CDH13: variants seen among roughly 807,000 people sequenced by gnomAD.
CDH13 encodes cadherin-13.
A neutral mutation model predicts 63.8 loss-of-function variants in CDH13; 24 were observed. The observed-to-expected ratio is 0.38, with a 90% CI of 0.27 to 0.53. The LOEUF (loss-of-function observed/expected upper bound fraction) is 0.53. Among genes scored for constraint, CDH13 ranks in the 20% least tolerant of loss-of-function variants. The pLI is 0.85. For synonymous variants in CDH13, 503 were observed against 355.3 expected (o/e 1.42, Z -4.67); for missense variants, 1,049 against 903.1 (o/e 1.16, Z -2.07).
Position 83,049,589 on chromosome 16 carries a change from C to T in CDH13, c.366+17371C>T, listed in dbSNP as rs144126206. 4.4e-3 allele frequency among the ~76,000 whole-genome samples: 672 copies of T among 152,150 alleles called. 10 individuals carry two copies. Among genetic ancestry groups the T allele is most frequent in the African/African-American group, 0.015 (634 of 41,510 alleles). On this transcript the variant is annotated intron_variant, in intron 3 of 13. Coordinates refer to ENST00000567109, the MANE Select transcript of CDH13 (RefSeq NM_001257.5). ...TGACCTCGTGATCCGCCTGCCTCAG[C>T]CTCCCAGAGTGCTGGGATTACAGGC... is the stretch of plus-strand genomic sequence containing the variant.
intron 3 of CDH13, among the ~76,000 whole-genome samples, chr16:83,111,438 T>A (rs1318614072): frequency 1.3e-5 from 2 of 152,248 alleles, no homozygotes; most frequent in Non-Finnish European, 2.9e-5. Context: ...GTTTGCCAAA[T>A]GGAGGAAGCA....
At chr16:83,096,468 T>A (rs977495693) in intron 3 of CDH13, among the ~76,000 whole-genome samples, 1 of 152,334 alleles carries the variant, frequency 6.6e-6, no homozygotes, top group South Asian at 2.1e-4. Flanking sequence ...GCTAAAGGAT[T>A]GCTCACAAAA....
chr16:83,413,682 C>T (rs1379639752), intron 6 of CDH13, among the ~76,000 whole-genome samples: 2 of 152,096 alleles, frequency 1.3e-5, no homozygotes, highest in East Asian at 1.9e-4. Context: ...CTTACCTTGC[C>T]GGCCTCATCT....
At chr16:82,796,321 T>G (rs2036580314) in intron 1 of CDH13, among the ~76,000 whole-genome samples, 1 of 152,166 alleles carries the variant, frequency 6.6e-6, no homozygotes, top group African/African-American at 2.4e-5. Context: ...AGAATCATCT[T>G]TCCAATCTCG....
chr16:83,050,200 G>T (rs925781883), intron 3 of CDH13, among the ~76,000 whole-genome samples: 4 of 152,102 alleles, frequency 2.6e-5, no homozygotes, highest in Middle Eastern at 3.4e-3. Context: ...GCCTACTGTC[G>T]CCATAACTCT....
intron 2 of CDH13, among the ~76,000 whole-genome samples, chr16:82,974,961 C>A (rs1476781862): frequency 6.6e-6 from 1 of 152,246 alleles, no homozygotes; most frequent in Non-Finnish European, 1.5e-5. Context: ...CTGACTTTGA[C>A]TGTAATGGCG....
chr16:82,835,266 G>A (rs1027199292), intron 1 of CDH13, among the ~76,000 whole-genome samples: 1 of 152,204 alleles, frequency 6.6e-6, no homozygotes, highest in African/African-American at 2.4e-5. Flanking sequence ...GTGACCGGTG[G>A]CTGCCGCATT....
intron 6 of CDH13, among the ~76,000 whole-genome samples, chr16:83,433,142 A>G (rs2072177768): frequency 1.3e-5 from 2 of 152,156 alleles, no homozygotes; most frequent in Non-Finnish European, 1.5e-5. Flanking sequence ...CAGATACTAG[A>G]CTAGACAGAC....
At chr16:83,092,823 A>C (rs1360001636) in intron 3 of CDH13, among the ~76,000 whole-genome samples, 1 of 152,202 alleles carries the variant, frequency 6.6e-6, no homozygotes, top group Admixed American at 6.5e-5. Flanking sequence ...CAAATTTAGT[A>C]CATTAATTTT....
intron 10 of CDH13, among the ~76,000 whole-genome samples, chr16:83,688,302 T>C (rs555161373): frequency 9.2e-5 from 14 of 152,292 alleles, no homozygotes; most frequent in African/African-American, 3.4e-4. Context: ...CTCTTGAAAA[T>C]GCAAATTTTG....
chr16:82,755,100 A>G (rs551650859), intron 1 of CDH13, among the ~76,000 whole-genome samples: 1 of 152,340 alleles, frequency 6.6e-6, no homozygotes, highest in East Asian at 1.9e-4. Context: ...ACACATTGGC[A>G]TGGGTCGACC....
chr16:83,417,858 A>T (rs905321856), intron 6 of CDH13, among the ~76,000 whole-genome samples: 1 of 152,162 alleles, frequency 6.6e-6, no homozygotes, highest in Admixed American at 6.5e-5. Context: ...TGAAAATTCT[A>T]TTTCACAGCA....
chr16:82,861,387 T>G (rs1057348520), intron 2 of CDH13, among the ~76,000 whole-genome samples: 1 of 152,218 alleles, frequency 6.6e-6, no homozygotes, highest in African/African-American at 2.4e-5. Flanking sequence ...CTCTTCACTT[T>G]TCTTTAAAGT....
At chr16:82,830,834 C>G (rs1197350717) in intron 1 of CDH13, among the ~76,000 whole-genome samples, 3 of 152,162 alleles carry the variant, frequency 2.0e-5, no homozygotes, top group African/African-American at 4.8e-5. Flanking sequence ...CATAGCCTGG[C>G]TCTTGTTTGA....
At chr16:83,039,949 C>G (rs140239585) in intron 3 of CDH13, among the ~76,000 whole-genome samples, 4 of 151,956 alleles carry the variant, frequency 2.6e-5, no homozygotes, top group Non-Finnish European at 2.9e-5. Flanking sequence ...CCCCAGCTGG[C>G]TAGGTGTTCT....
chr16:83,539,186 G>A (rs964211625), intron 7 of CDH13, among the ~76,000 whole-genome samples: 8 of 152,132 alleles, frequency 5.3e-5, no homozygotes, highest in Non-Finnish European at 1.2e-4. Flanking sequence ...CTGTGGGCAA[G>A]GGTGGGGGAT....
At chr16:82,735,147 C>A (rs935933401) in intron 1 of CDH13, among the ~76,000 whole-genome samples, 1 of 152,152 alleles carries the variant, frequency 6.6e-6, no homozygotes, top group Non-Finnish European at 1.5e-5. Context: ...GGAAACAAGC[C>A]AAGGGGAAAG....
intron 1 of CDH13, among the ~76,000 whole-genome samples, chr16:82,636,780 C>G (rs187262755): frequency 7.2e-5 from 11 of 152,332 alleles, no homozygotes; most frequent in Non-Finnish European, 1.5e-4. Context: ...CAAGACACAA[C>G]CAAGTAATTT....
chr16:83,260,840 A>G (rs1483600768), intron 5 of CDH13, among the ~76,000 whole-genome samples: 7 of 152,272 alleles, frequency 4.6e-5, no homozygotes, highest in South Asian at 2.1e-4. Flanking sequence ...GATGAAGTTA[A>G]AAGTCAGCAA....
Sources: gnomAD v4.1 joint callset for allele counts (sites outside exome capture counted in the v4.1 genomes callset) on GRCh38, gnomAD v4.1.1 for gene constraint, MANE v1.5 for transcripts, NCBI Gene and HGNC (gene_info 2026-07-23, HGNC 2026-07-21) for gene names.